TAF6: variants seen among roughly 807,000 people sequenced by gnomAD.
TAF6 encodes the protein transcription initiation factor TFIID subunit 6.
A neutral mutation model predicts 73.5 loss-of-function variants in TAF6; 50 were observed. The observed-to-expected ratio is 0.68, with a 90% CI of 0.54 to 0.86. The LOEUF is 0.86. Ranked by LOEUF, TAF6 falls within the 40% of genes least tolerant of loss-of-function variation. TAF6 has a pLI of 0.00. For synonymous variants in TAF6, 424 were observed against 376.7 expected (o/e 1.13, Z -1.45); for missense variants, 768 against 899.5 (o/e 0.85, Z 1.87).
chr7:100,107,736 C>T (rs1796690647), intron 14 of TAF6, 113 bp from the exon 15 acceptor site: 2 of 1,475,496 alleles, frequency 1.4e-6, no homozygotes, highest in African/African-American at 1.4e-5. Context: ...TGTAGTTCAC[C>T]CTGTAGACAG....
At position 100,119,320 on chromosome 7, in the gene TAF6, G is replaced by A; in HGVS notation, c.-176C>T. On this transcript the variant is annotated 5_prime_UTR_variant, in exon 1 of 15. Transcript: ENST00000453269. ...GGAAAACTCTAGCGGCAGCCGAGAC[G>A]CTGCTCACCCGGCGCTCGGCGCCAT... The A allele has an allele frequency of 3.9e-6, 4 of 1,030,830 alleles. No homozygotes were observed. Among genetic ancestry groups the A allele is most frequent in the East Asian group, 2.1e-4 (2 of 9,492 alleles). 63.9% of individuals were successfully genotyped at this position (1,030,830 alleles called of 1,614,324 possible).
rs538585525 is a variant in TAF6 at position 100,113,053 on chromosome 7, T to C, written c.455-136A>G. The C allele has an allele frequency of 1.8e-5, 23 of 1,301,454 alleles. No individual in the cohort carries two copies. In the African/African-American group the frequency reaches 2.8e-4, roughly 16 times the overall value. The allele number at this position is 1,301,454 out of a possible 1,614,324, so 80.6% of individuals were successfully genotyped here. On this transcript the variant is annotated intron_variant, in intron 5 of 14. Transcript: ENST00000453269. ...GCCAAGGCGGGTGGATCACCTCAGG[T>C]CAGAAGTTCGAGACCAGCCTGGCCA...
Position 100,109,997 on chromosome 7 carries a change from A to G in TAF6, c.1235T>C (p.Leu412Pro). The change falls in exon 12 of 15, where the codon CTG (leucine) becomes CCG (proline). Residue 412 changes from leucine (L) to proline (P), a missense_variant. By Grantham distance (98) the Leu-to-Pro change is moderately conservative (BLOSUM62 -3). Coordinates refer to ENST00000453269, the MANE Select transcript of TAF6 (RefSeq NM_139315.3). ...TGCTCCAATCCGGTCAATGTTGCTC[A>G]GCACAGGGCCGTCCAGCACACTGCG... ...RIRSVLDGPV[L>P]SNIDRIGADH... The G allele has an allele frequency of 6.2e-7, 1 of 1,614,218 alleles. No homozygotes were observed. Among genetic ancestry groups the G allele is most frequent in the Non-Finnish European group, 8.5e-7 (1 of 1,180,044 alleles).
At chr7:100,123,912 C>T (rs563547094), upstream of TAF6, among the ~76,000 whole-genome samples, 37 of 152,200 alleles carry the variant, frequency 2.4e-4, no homozygotes, top group African/African-American at 8.4e-4. Context: ...AGGCGGATCA[C>T]GACATCAGGG....
chr7:100,107,624 C>T lies in TAF6; in HGVS notation c.1657-1G>A. 6.2e-7 allele frequency: 1 copy of T among 1,611,292 alleles called. No individual in the cohort carries two copies. The highest frequency in any genetic ancestry group is 1.3e-5 in the African/African-American group (1 of 74,922). ...GGGCCGAGGTGCTGAGGGACAGGAC[C>T]TGGATAGAAAGGAAAGGCAGGCCGC... On this transcript the variant is annotated splice_acceptor_variant, in intron 14 of 14. Transcript: ENST00000453269. LOFTEE classifies it high-confidence loss of function.
chr7:100,122,676 T>C, upstream of TAF6: 1 of 1,518,954 alleles, frequency 6.6e-7, no homozygotes, highest in Non-Finnish European at 8.9e-7. Flanking sequence ...CTCACCATCA[T>C]GGAACTCACC....
chr7:100,112,864 G>A lies in TAF6; in HGVS notation c.508C>T (p.Pro170Ser), dbSNP rs1391324229. 1.9e-6 allele frequency: 3 copies of A among 1,613,902 alleles called. No individual in the cohort carries two copies. Among genetic ancestry groups the A allele is most frequent in the Non-Finnish European group, 2.5e-6 (3 of 1,179,826 alleles). Residue 170 changes from proline to serine, a missense_variant, in exon 6 of 15, where the codon CCA becomes TCA. Around this residue, in one of 5 missense-constraint regions of TAF6, gnomAD observed 269 missense variants for 268.0 expected, o/e 1.00. Coordinates refer to ENST00000453269, the MANE Select transcript of TAF6 (RefSeq NM_139315.3). ...EATEPLKSAKPGQEEDGPLKG... is the reference protein window; with the variant it reads ...EATEPLKSAKSGQEEDGPLKG... ...AGGGGTCCGTCTTCCTCCTGGCCTG[G>A]CTTGGCTGACTTCAGGGGTTCTGTG...
At chr7:100,108,251 G>GCAA in intron 13 of TAF6, 116 bp downstream of exon 13, 1 of 1,463,888 alleles carries the variant, frequency 6.8e-7, no homozygotes, top group Non-Finnish European at 9.1e-7. Flanking sequence ...CTCACTCAGG[G>GCAA]CCTGGTTGCC....
At chr7:100,118,694 C>T in intron 1 of TAF6, 1 of 229,292 alleles carries the variant, frequency 4.4e-6, no homozygotes, top group Non-Finnish European at 7.2e-6. Context: ...GGCACACTTG[C>T]AGTTGGACAT....
intron 6 of TAF6, 77 bp downstream of exon 6, chr7:100,112,721 A>C: frequency 1.4e-6 from 2 of 1,399,976 alleles, no homozygotes; most frequent in Non-Finnish European, 1.9e-6. Context: ...TCTCAAAAAC[A>C]AAAAAAAAGG....
chr7:100,113,110 C>CA (rs1004107887), intron 5 of TAF6, among the ~76,000 whole-genome samples, 193 bp from the exon 6 acceptor site: 6 of 150,790 alleles, frequency 4.0e-5, no homozygotes, highest in African/African-American at 1.2e-4. Context: ...ACTAAAATTA[C>CA]AAAAAATTAG....
chr7:100,122,677 G>A, upstream of TAF6: 1 of 1,520,630 alleles, frequency 6.6e-7, no homozygotes, highest in Non-Finnish European at 8.9e-7. Flanking sequence ...TCACCATCAT[G>A]GAACTCACCC....
At chr7:100,108,706 T>C (rs901636045) in intron 12 of TAF6, 166 bp from the exon 13 acceptor site, 41 of 672,878 alleles carry the variant, frequency 6.1e-5, no homozygotes, top group Non-Finnish European at 9.6e-5. Flanking sequence ...GAACTATTAG[T>C]GTGTGTACAG....
chr7:100,109,932 C>T lies in TAF6; in HGVS notation c.1284+16G>A, dbSNP rs1029772566. 13 of 1,613,402 alleles carry T rather than the reference C, an allele frequency of 8.1e-6. No homozygotes were observed. The highest frequency in any genetic ancestry group is 1.1e-5 in the Non-Finnish European group (13 of 1,179,784). ...GTGTCTCAGTGGGCAGGTGTGGGGA[C>T]AGGGGCTTCAGTCACCAGCAGGAGG... On this transcript the variant is annotated intron_variant, in intron 12 of 14. Coordinates refer to ENST00000453269, the MANE Select transcript of TAF6 (RefSeq NM_139315.3).
chr7:100,111,033 C>T (rs1396337538), intron 10 of TAF6, 106 bp downstream of exon 10: 3 of 1,316,048 alleles, frequency 2.3e-6, no homozygotes, highest in Non-Finnish European at 3.2e-6. Flanking sequence ...TAGACCCCCA[C>T]AAGTTCCAGT....
intron 1 of TAF6, among the ~76,000 whole-genome samples, chr7:100,118,222 G>A (rs182864018): frequency 2.0e-5 from 3 of 151,814 alleles, no homozygotes; most frequent in South Asian, 2.1e-4. Flanking sequence ...ACATGGTGGC[G>A]GGCGCCTGTA....
Position 100,110,265 on chromosome 7 carries a change from CCA to C in TAF6, c.1091_1092del (p.Val364GlyfsTer18), listed in dbSNP as rs781563057. 2 of 1,614,064 alleles carry C rather than the reference CCA, an allele frequency of 1.2e-6. No homozygotes were observed. The highest frequency in any genetic ancestry group is 1.7e-6 in the Non-Finnish European group (2 of 1,179,968). ...CGAGTCGTCCAGGGCGTCTTCTCGT[CCA>C]CCCAGCTCTGTAAGGGGAAGGAAAT... ...RITKTFTKSW[V>X]DEKTPWTTRY... On this transcript the variant is annotated frameshift_variant, in exon 11 of 15. Coordinates refer to ENST00000453269, the MANE Select transcript of TAF6 (RefSeq NM_139315.3). LOFTEE classifies it high-confidence loss of function.
chr7:100,111,770 C>T lies in TAF6; in HGVS notation c.858G>A (p.Val286=). Residue 286 remains valine (V), a synonymous_variant, in exon 9 of 15, where the codon GTG becomes GTA. Coordinates refer to ENST00000453269, the MANE Select transcript of TAF6 (RefSeq NM_139315.3). ...LALLIYLMRM[V]KALMDNPTLY... The stretch of plus-strand genomic sequence containing the variant: ...GCGTGGGGTTGTCCATCAGCGCTTT[C>T]ACCATACGCATCAGGTAGATGAGTA... 6.2e-7 allele frequency: 1 copy of T among 1,614,228 alleles called. No homozygotes were observed. The highest frequency in any genetic ancestry group is 8.5e-7 in the Non-Finnish European group (1 of 1,180,040).
upstream of TAF6, chr7:100,124,816 G>A (rs1232282877): frequency 1.2e-6 from 2 of 1,613,524 alleles, no homozygotes; most frequent in Non-Finnish European, 8.5e-7. Context: ...AGGAGGAAGA[G>A]GAGGAAGAGG....
Sources: allele counts gnomAD v4.1 joint callset (sites outside exome capture counted in the v4.1 genomes callset), GRCh38; gene constraint gnomAD v4.1.1; regional missense constraint gnomAD v4.1.1; transcripts MANE v1.5; gene names NCBI Gene and HGNC (gene_info 2026-07-23, HGNC 2026-07-21).